Variants in CDH12 observed in about 807,000 individuals in gnomAD.
CDH12 encodes cadherin-12.
Under a neutral mutation model 74.1 loss-of-function variants are expected in CDH12, and 41 were observed. The observed-to-expected ratio is 0.55, with a 90% CI of 0.43 to 0.72. CDH12 has a LOEUF of 0.72. Among genes scored for constraint, CDH12 ranks in the 30% least tolerant of loss-of-function variants. CDH12 has a pLI of 0.00. For synonymous variants in CDH12, 399 were observed against 355.0 expected (o/e 1.12, Z -1.39); for missense variants, 945 against 977.2 (o/e 0.97, Z 0.44).
intron 1 of CDH12, among the ~76,000 whole-genome samples, chr5:22,772,315 A>C (rs530995070): frequency 9.9e-5 from 15 of 152,198 alleles, no homozygotes; most frequent in African/African-American, 3.6e-4. Context: ...GGCCACTGTG[A>C]TTTGACAAGA....
rs185122862 is a variant in CDH12 at position 22,779,182 on chromosome 5, G to T, written c.-523+73876C>A. 2.8e-3 allele frequency among the ~76,000 whole-genome samples: 427 copies of T among 151,380 alleles called. 1 individual carries two copies. The highest frequency in any genetic ancestry group is 9.8e-3 in the African/African-American group (401 of 40,910). ...GGGATCTAAATGTTGCTGCTCCTTCGGCAATAGCACTTTGATGTTTATCAA... is the reference window on the plus strand; with the variant it reads ...GGGATCTAAATGTTGCTGCTCCTTCTGCAATAGCACTTTGATGTTTATCAA... On this transcript the variant is annotated intron_variant, in intron 1 of 14. Coordinates refer to ENST00000382254, the MANE Select transcript of CDH12 (RefSeq NM_004061.5).
chr5:22,417,641 C>CT (rs1462242455), intron 2 of CDH12, among the ~76,000 whole-genome samples: 2 of 152,074 alleles, frequency 1.3e-5, no homozygotes, highest in African/African-American at 2.4e-5. Flanking sequence ...GACAGCAAGT[C>CT]TTTTTTTATG....
chr5:22,547,499 C>A (rs1738385521), intron 1 of CDH12, among the ~76,000 whole-genome samples: 1 of 151,994 alleles, frequency 6.6e-6, no homozygotes, highest in Admixed American at 6.6e-5. Context: ...TAAACTATAC[C>A]ATTTTCCTGA....
At chr5:22,561,405 C>A (rs1260883555) in intron 1 of CDH12, among the ~76,000 whole-genome samples, 1 of 151,936 alleles carries the variant, frequency 6.6e-6, no homozygotes, top group African/African-American at 2.4e-5. Flanking sequence ...GATTATAATT[C>A]ATTATAATTT....
chr5:22,646,348 C>T (rs1290077457), intron 1 of CDH12, among the ~76,000 whole-genome samples: 1 of 151,558 alleles, frequency 6.6e-6, no homozygotes, highest in Non-Finnish European at 1.5e-5. Context: ...TATAAGTGCC[C>T]TAAAAATTAA....
At chr5:22,490,211 C>T (rs996531163) in intron 2 of CDH12, among the ~76,000 whole-genome samples, 13 of 152,182 alleles carry the variant, frequency 8.5e-5, no homozygotes, top group Admixed American at 2.0e-4. Context: ...TGTGATATTA[C>T]GCATATCACT....
chr5:22,791,362 T>C (rs552779349), intron 1 of CDH12, among the ~76,000 whole-genome samples: 43 of 152,252 alleles, frequency 2.8e-4, no homozygotes, highest in African/African-American at 1.0e-3. Flanking sequence ...AGAGTAATGA[T>C]ATAAGGCACA....
At chr5:21,900,646 A>G (rs1009490837) in intron 6 of CDH12, among the ~76,000 whole-genome samples, 52 of 152,292 alleles carry the variant, frequency 3.4e-4, no homozygotes, top group African/African-American at 1.0e-3. Context: ...AGGGTGGCCC[A>G]TTTCTGATTT....
intron 4 of CDH12, among the ~76,000 whole-genome samples, chr5:22,153,554 C>A (rs1339111152): frequency 6.6e-6 from 1 of 151,164 alleles, no homozygotes; most frequent in Non-Finnish European, 1.5e-5. Flanking sequence ...AACTTAGTAA[C>A]CATTTTCACC....
At chr5:21,909,375 T>G (rs1431752661) in intron 6 of CDH12, among the ~76,000 whole-genome samples, 1 of 152,208 alleles carries the variant, frequency 6.6e-6, no homozygotes, top group East Asian at 1.9e-4. Flanking sequence ...TCTGCTGAGA[T>G]GCATGAAGGT....
rs1554025827 is a variant in CDH12 at position 21,751,609 on chromosome 5, AGTGTGT to A, written c.*122_*127del. ...GGTAATCAAAGGAATCTTGTCCCAG[AGTGTGT>A]GTGTGTGTGTGTGTGTTTGTGTGTG... is the stretch of plus-strand genomic sequence containing the variant. On this transcript the variant is annotated 3_prime_UTR_variant, in exon 15 of 15. Coordinates refer to ENST00000382254, the MANE Select transcript of CDH12 (RefSeq NM_004061.5). 663 of 553,594 alleles carry A rather than the reference AGTGTGT, an allele frequency of 1.2e-3. No homozygotes were observed. Among genetic ancestry groups the A allele is most frequent in the East Asian group, 2.8e-3 (92 of 32,878 alleles). The allele number at this position is 553,594 out of a possible 1,614,324, so 34.3% of individuals were successfully genotyped here.
At chr5:21,816,646 A>AAAAAAAAAAAAAAAAAAAAAAAG (rs1318470300) in intron 9 of CDH12, among the ~76,000 whole-genome samples, 1 of 144,410 alleles carries the variant, frequency 6.9e-6, no homozygotes, top group Non-Finnish European at 1.5e-5. Context: ...AAAAAAAAAA[A>AAAAAAAAAAAAAAAAAAAAAAAG]AAAAAAAGAA....
At chr5:22,305,547 T>C (rs1008448568) in intron 3 of CDH12, among the ~76,000 whole-genome samples, 3 of 151,330 alleles carry the variant, frequency 2.0e-5, no homozygotes, top group African/African-American at 7.3e-5. Flanking sequence ...CTTCAGATGG[T>C]CCTTGGCCAC....
At chr5:22,674,756 C>T (rs374108497) in intron 1 of CDH12, among the ~76,000 whole-genome samples, 151 of 152,246 alleles carry the variant, frequency 9.9e-4, no homozygotes, top group Non-Finnish European at 2.0e-3. Context: ...TTGTTGGGAA[C>T]TGGAGCAAAG....
At chr5:21,898,328 A>ATCAGGC in intron 6 of CDH12, among the ~76,000 whole-genome samples, 1 of 152,234 alleles carries the variant, frequency 6.6e-6, no homozygotes, top group Middle Eastern at 3.4e-3. Flanking sequence ...GTCTCAAGTG[A>ATCAGGC]TTCCCCTGCC....
chr5:22,485,988 C>CA (rs1746576723), intron 2 of CDH12, among the ~76,000 whole-genome samples: 2 of 152,276 alleles, frequency 1.3e-5, no homozygotes, highest in South Asian at 4.1e-4. Context: ...GGATAAGGGA[C>CA]CTTTTTCAAA....
chr5:22,503,342 G>C (rs1421137184), intron 2 of CDH12, among the ~76,000 whole-genome samples: 3 of 151,956 alleles, frequency 2.0e-5, no homozygotes, highest in African/African-American at 7.2e-5. Context: ...TCATAAACAG[G>C]CTCCACAGCA....
At chr5:22,526,989 CA>C in intron 1 of CDH12, among the ~76,000 whole-genome samples, 1 of 152,036 alleles carries the variant, frequency 6.6e-6, no homozygotes. Context: ...TGAACTTGAG[CA>C]AAAACTCCAT....
chr5:22,257,848 T>C (rs1416134070), intron 3 of CDH12, among the ~76,000 whole-genome samples: 4 of 152,052 alleles, frequency 2.6e-5, no homozygotes, highest in African/African-American at 9.7e-5. Flanking sequence ...CCTTGAACAG[T>C]AGGATATAAA....
Sources: allele counts gnomAD v4.1 joint callset (sites outside exome capture counted in the v4.1 genomes callset), GRCh38; gene constraint gnomAD v4.1.1; transcripts MANE v1.5; gene names NCBI Gene and HGNC (gene_info 2026-07-23, HGNC 2026-07-21).